CDYL: variants seen among roughly 807,000 people sequenced by gnomAD.
CDYL encodes chromodomain Y like.
A neutral mutation model predicts 47.3 loss-of-function variants in CDYL; 8 were observed. That is an observed-to-expected ratio of 0.17 (90% CI 0.10 to 0.31). The LOEUF is 0.31. CDYL is among the 10% of genes least tolerant of loss of function. The probability of loss-of-function intolerance (pLI) is 1.00; values close to 1 mark genes in which losing one functional copy is unlikely to be tolerated. For synonymous variants in CDYL, 266 were observed against 265.0 expected, an observed-to-expected ratio of 1.00 and a Z score of -0.04; for missense variants, 471 against 701.4, an observed-to-expected ratio of 0.67 and a Z score of 3.71.
chr6:4,765,230 T>C (rs1213619519), intron 3 of CDYL, among the ~76,000 whole-genome samples: 1 of 151,620 alleles, frequency 6.6e-6, no homozygotes, highest in Non-Finnish European at 1.5e-5. Flanking sequence ...GGCTGAGGCA[T>C]GAGAATCACT....
intron 1 of CDYL, among the ~76,000 whole-genome samples, chr6:4,713,320 C>T (rs1454903769): frequency 3.3e-5 from 5 of 151,922 alleles, no homozygotes; most frequent in African/African-American, 7.2e-5. Context: ...ATAGGAGTGG[C>T]GGGAGGAGGA....
At chr6:4,744,226 T>G (rs1757848381) in intron 3 of CDYL, among the ~76,000 whole-genome samples, 1 of 152,150 alleles carries the variant, frequency 6.6e-6, no homozygotes, top group African/African-American at 2.4e-5. Flanking sequence ...AGGCGCGAAG[T>G]CTCACACTGC....
rs375233596 is a variant in CDYL at position 4,943,724 on chromosome 6, G to C, written c.1300G>C (p.Val434Leu). ...ACAGAGTCCAGATGGCTGTTCTACC[G>C]TTATGTTTCCCAAGATAATGGGAGG... Reference protein sequence around the residue: ...FGQSPDGCSTVMFPKIMGGAS... With the variant: ...FGQSPDGCSTLMFPKIMGGAS... Residue 434 changes from valine (V) to leucine (L), a missense_variant, in exon 5 of 7, where the codon GTT becomes CTT. By Grantham distance (32) the Val-to-Leu change is conservative (BLOSUM62 1). This residue lies in a region of CDYL where 103 missense variants were observed against 277.1 expected (regional missense o/e 0.37). Coordinates refer to ENST00000397588, the MANE Select transcript of CDYL (RefSeq NM_004824.4). The C allele has an allele frequency of 3.1e-6, 5 of 1,603,380 alleles. No individual in the cohort carries two copies. In the Admixed American group the frequency reaches 8.5e-5, roughly 27 times the overall value.
At chr6:4,710,329 A>G (rs1160243359) in intron 1 of CDYL, among the ~76,000 whole-genome samples, 3 of 128,674 alleles carry the variant, frequency 2.3e-5, no homozygotes, top group Admixed American at 8.7e-5. Flanking sequence ...AAAAGGAAAG[A>G]AAGGAGGAAG....
Position 4,953,878 on chromosome 6 carries a change from C to T in CDYL, c.1477-20C>T. On this transcript the variant is annotated intron_variant, in intron 6 of 6. Coordinates refer to ENST00000397588, the MANE Select transcript of CDYL (RefSeq NM_004824.4). ...TGCCCGCATGCACCCTGCTAACTGG[C>T]TGCTTGTTTTCCGGTGCAGGTGCTT... is the stretch of plus-strand genomic sequence containing the variant. The T allele has an allele frequency of 3.7e-6, 6 of 1,608,374 alleles. No homozygotes were observed. The highest frequency in any genetic ancestry group is 5.1e-6 in the Non-Finnish European group (6 of 1,177,050).
At chr6:4,899,506 G>A (rs1021101911) in intron 2 of CDYL, among the ~76,000 whole-genome samples, 62 of 152,168 alleles carry the variant, frequency 4.1e-4, no homozygotes, top group Admixed American at 1.3e-3. Context: ...GTAAAATGTG[G>A]GGAGGTGGAT....
chr6:4,737,971 C>T (rs546437402), intron 3 of CDYL, among the ~76,000 whole-genome samples: 2 of 151,680 alleles, frequency 1.3e-5, no homozygotes, highest in Non-Finnish European at 2.9e-5. Context: ...GTTTGCAACA[C>T]GAAAAACAAA....
chr6:4,831,822 A>G (rs1760153169), intron 1 of CDYL, among the ~76,000 whole-genome samples: 1 of 152,078 alleles, frequency 6.6e-6, no homozygotes, highest in Non-Finnish European at 1.5e-5. Flanking sequence ...TAAGTGTTTT[A>G]TTCTCTTTGT....
chr6:4,946,930 G>A (rs959016691), intron 5 of CDYL, among the ~76,000 whole-genome samples: 2 of 152,016 alleles, frequency 1.3e-5, no homozygotes, highest in African/African-American at 4.8e-5. Context: ...CACCTCCCTC[G>A]TGCTTCCAGT....
At chr6:4,904,188 A>G (rs1023414873) in intron 2 of CDYL, among the ~76,000 whole-genome samples, 1 of 152,230 alleles carries the variant, frequency 6.6e-6, no homozygotes, top group African/African-American at 2.4e-5. Context: ...ATGCCAGACT[A>G]TTGTTAAGAA....
Position 4,882,747 on chromosome 6 carries a change from C to T in CDYL, c.25-8966C>T, listed in dbSNP as rs558857505. ...CCTGGCAGCTTTAGGGATGTGCAGC[C>T]CTGTCGAAGATTACCCTGACATAGA... is the stretch of plus-strand genomic sequence containing the variant. On this transcript the variant is annotated intron_variant, in intron 1 of 6. Transcript: ENST00000397588. Among the ~76,000 whole-genome samples the T allele has an allele frequency of 2.3e-3, 351 of 152,156 alleles. 1 individual carries two copies. Among genetic ancestry groups the T allele is most frequent in the Admixed American group, 3.5e-3 (53 of 15,296 alleles).
intron 1 of CDYL, among the ~76,000 whole-genome samples, chr6:4,878,824 G>GT (rs1304610079): frequency 4.7e-5 from 7 of 150,350 alleles, no homozygotes; most frequent in African/African-American, 9.8e-5. Context: ...TTATTTTTCT[G>GT]TTTTTTTCAA....
chr6:4,762,034 C>A (rs2127423158), intron 3 of CDYL, among the ~76,000 whole-genome samples: 1 of 152,254 alleles, frequency 6.6e-6, no homozygotes, highest in Non-Finnish European at 1.5e-5. Flanking sequence ...CCCCTGTGAG[C>A]AAGACCAGAA....
chr6:4,916,843 G>A (rs568910749), intron 2 of CDYL, among the ~76,000 whole-genome samples: 1 of 152,236 alleles, frequency 6.6e-6, no homozygotes, highest in South Asian at 2.1e-4. Flanking sequence ...CCCTCATGCT[G>A]GGCAGGTACC....
At chr6:4,772,064 T>G (rs890839271), upstream of CDYL, among the ~76,000 whole-genome samples, 1 of 152,204 alleles carries the variant, frequency 6.6e-6, no homozygotes, top group Non-Finnish European at 1.5e-5. Flanking sequence ...TAGAACACCA[T>G]TAGCTAAATA....
At chr6:4,924,252 T>C (rs1757802124) in intron 2 of CDYL, among the ~76,000 whole-genome samples, 1 of 152,218 alleles carries the variant, frequency 6.6e-6, no homozygotes, top group Non-Finnish European at 1.5e-5. Flanking sequence ...TGATTCTCTG[T>C]GAAAAGTTAG....
intron 3 of CDYL, among the ~76,000 whole-genome samples, chr6:4,752,767 G>A (rs540376325): frequency 5.3e-5 from 8 of 152,102 alleles, no homozygotes; most frequent in Admixed American, 3.3e-4. Flanking sequence ...ATCACATGGC[G>A]GCGAGGACCA....
At chr6:4,950,562 C>T (rs982436816) in intron 5 of CDYL, among the ~76,000 whole-genome samples, 3 of 152,180 alleles carry the variant, frequency 2.0e-5, no homozygotes, top group African/African-American at 7.2e-5. Flanking sequence ...GGTCGCGTTT[C>T]TAAATCCACT....
chr6:4,772,632 G>A (rs551014367), upstream of CDYL, among the ~76,000 whole-genome samples: 2 of 152,278 alleles, frequency 1.3e-5, no homozygotes, highest in African/African-American at 2.4e-5. Flanking sequence ...CAAGTTTTCT[G>A]GAGTAGATAC....
Sources: allele counts gnomAD v4.1 joint callset (sites outside exome capture counted in the v4.1 genomes callset), GRCh38; gene constraint gnomAD v4.1.1; regional missense constraint gnomAD v4.1.1; transcripts MANE v1.5; gene names NCBI Gene and HGNC (gene_info 2026-07-23, HGNC 2026-07-21).